Variants in AKAP9 observed in about 807,000 individuals in gnomAD.
AKAP9 encodes A-kinase anchor protein 9.
In AKAP9, 311 loss-of-function variants were observed where a neutral mutation model predicts 488.5. The observed-to-expected ratio is 0.64, with a 90% CI of 0.58 to 0.70. The LOEUF (loss-of-function observed/expected upper bound fraction) is 0.70, where lower values mean the gene tolerates loss of function less well. AKAP9 is among the 30% of genes least tolerant of loss of function. The pLI, the probability that AKAP9 is intolerant of heterozygous loss-of-function variation, is 0.00. For missense variants in AKAP9, 4,215 were observed against 4,374.5 expected (o/e 0.96, Z 1.03); for synonymous variants, 1,462 against 1,483.5 (o/e 0.99, Z 0.33).
rs1357631664 is a variant in AKAP9, at chr7:92,022,738, T to C, written c.3953-76T>C. On this transcript the variant is annotated intron_variant, in intron 13 of 49. Coordinates refer to ENST00000356239, the MANE Select transcript of AKAP9 (RefSeq NM_005751.5). ...TTTTCAAAAAAGAATTAATATTTTC[T>C]GTACACAGTGATTGTGCTATTTCAC... 7 of 953,864 alleles carry C rather than the reference T, an allele frequency of 7.3e-6. No individual in the cohort carries two copies. In the African/African-American group the frequency reaches 1.2e-4, roughly 16 times the overall value. 59.1% of individuals were successfully genotyped at this position (953,864 alleles called of 1,614,324 possible).
At chr7:91,976,168 C>G (rs1795662407) in intron 2 of AKAP9, among the ~76,000 whole-genome samples, 1 of 152,144 alleles carries the variant, frequency 6.6e-6, no homozygotes, top group Non-Finnish European at 1.5e-5. Flanking sequence ...AGTGATACGT[C>G]CACCTCAGCC....
intron 8 of AKAP9, among the ~76,000 whole-genome samples, chr7:92,004,163 A>T (rs1162417216): frequency 6.6e-6 from 1 of 152,104 alleles, no homozygotes; most frequent in Non-Finnish European, 1.5e-5. Context: ...ATTGGTCTAT[A>T]TCTCTGTTTT....
In AKAP9 at chr7:92,040,666, T is replaced by A; in HGVS notation, c.4693-8T>A. ...GAATTGTTTTTTTTTTTTTTTTTAC[T>A]ATTAAAGATTCATGATGAGATTTCA... On this transcript the variant is annotated splice_region_variant and splice_polypyrimidine_tract_variant and intron_variant, in intron 17 of 49. Coordinates refer to ENST00000356239, the MANE Select transcript of AKAP9 (RefSeq NM_005751.5). The A allele has an allele frequency of 8.1e-6, 11 of 1,351,532 alleles. No homozygotes were observed. Among genetic ancestry groups the A allele is most frequent in the Non-Finnish European group, 1.1e-5 (11 of 961,980 alleles). 83.7% of individuals were successfully genotyped at this position (1,351,532 alleles called of 1,614,324 possible). A position where few individuals can be genotyped will look rare whatever the true frequency, so the allele number is the denominator to read the frequency against.
intron 3 of AKAP9, among the ~76,000 whole-genome samples, chr7:91,985,832 A>G (rs777220348): frequency 2.0e-5 from 3 of 152,140 alleles, no homozygotes; most frequent in Non-Finnish European, 4.4e-5. Context: ...TATTTTTATT[A>G]GAGATGGGGT....
rs1413077434 is a variant in AKAP9 at position 92,017,057 on chromosome 7, A to G, written c.3792A>G (p.Thr1264=). 1.9e-6 allele frequency: 3 copies of G among 1,592,080 alleles called. No homozygotes were observed. Among genetic ancestry groups the G allele is most frequent in the African/African-American group, 2.7e-5 (2 of 74,518 alleles). Residue 1264 remains threonine (T), a synonymous_variant, in exon 12 of 50, where the codon ACA becomes ACG. Transcript: ENST00000356239. ...TGCACACTCTTCTCAACAAAGTAAC[A>G]GAAGAATACAACAAACTCTTGGTAC... The part of the protein sequence containing the change: ...ENMHTLLNKV[T]EEYNKLLVLQ...
Position 92,095,159 on chromosome 7 carries a change from AAAG to A in AKAP9, c.9721_9723del (p.Glu3241del). ...GTTGGGACGCAGTGAAGAACGGGAT[AAAG>A]AAGAACTTGAGGTACTGTTATCTTT... On this transcript the variant is annotated inframe_deletion, in exon 40 of 50. Coordinates refer to ENST00000356239, the MANE Select transcript of AKAP9 (RefSeq NM_005751.5). 2 of 1,614,218 alleles carry A rather than the reference AAAG, an allele frequency of 1.2e-6. No homozygotes were observed. The highest frequency in any genetic ancestry group is 1.7e-6 in the Non-Finnish European group (2 of 1,180,030).
intron 46 of AKAP9, 98 bp downstream of exon 46, chr7:92,102,924 T>TAA: frequency 9.2e-7 from 1 of 1,087,556 alleles, no homozygotes; most frequent in Non-Finnish European, 1.4e-6. Context: ...ATACTCTATA[T>TAA]TTATATAGTA....
chr7:92,040,651 T>TTG, intron 17 of AKAP9, 23 bp from the exon 18 acceptor site: 1 of 1,456,812 alleles, frequency 6.9e-7, no homozygotes, highest in Non-Finnish European at 9.3e-7. Context: ...GAATTGTTTT[T>TTG]TTTTTTTTTT....
chr7:92,061,132 T>C lies in AKAP9; in HGVS notation c.5602-128T>C. ...CTAATCTTAGCATACACTGGCAATATCTAAATGACTACAATTCAGTAGTAT... is the reference window on the plus strand; with the variant it reads ...CTAATCTTAGCATACACTGGCAATACCTAAATGACTACAATTCAGTAGTAT... On this transcript the variant is annotated intron_variant, in intron 22 of 49. Coordinates refer to ENST00000356239, the MANE Select transcript of AKAP9 (RefSeq NM_005751.5). 3.6e-6 allele frequency: 4 copies of C among 1,102,348 alleles called. No individual in the cohort carries two copies. In the South Asian group the frequency reaches 5.5e-5, roughly 15 times the overall value. 68.3% of individuals were successfully genotyped at this position (1,102,348 alleles called of 1,614,324 possible). A position where few individuals can be genotyped will look rare whatever the true frequency, so the allele number is the denominator to read the frequency against.
chr7:91,992,706 C>T (rs969048878), intron 4 of AKAP9, among the ~76,000 whole-genome samples, 179 bp from the exon 5 acceptor site: 3 of 149,298 alleles, frequency 2.0e-5, no homozygotes, highest in East Asian at 2.0e-4. Context: ...ACAGAATTTG[C>T]GGATAACCTG....
At position 92,086,314 on chromosome 7, in the gene AKAP9, G is replaced by T. The variant is rs763529726; in HGVS notation, c.9111G>T (p.Glu3037Asp). The T allele has an allele frequency of 6.2e-7, 1 of 1,614,156 alleles. No individual in the cohort carries two copies. The highest frequency in any genetic ancestry group is 8.5e-7 in the Non-Finnish European group (1 of 1,180,014). ...LLALQQVFLE[E>D]RSVLLAAFRT... ...CCCTTCAACAAGTTTTCTTAGAAGA[G>T]CGTAGTGTTTTACTAGCAGCATTTC... The change falls in exon 37 of 50, where the codon GAG (glutamate) becomes GAT (aspartate). Residue 3037 changes from glutamate (E) to aspartate (D), a missense_variant. Transcript: ENST00000356239.
At chr7:92,091,621 G>A (rs1162360914) in intron 38 of AKAP9, among the ~76,000 whole-genome samples, 2 of 141,650 alleles carry the variant, frequency 1.4e-5, no homozygotes, top group Non-Finnish European at 3.0e-5. Context: ...CAAAGCAGAA[G>A]CATTCTTACC....
At chr7:92,008,972 G>A (rs1268186882) in intron 8 of AKAP9, among the ~76,000 whole-genome samples, 4 of 141,572 alleles carry the variant, frequency 2.8e-5, no homozygotes, top group Admixed American at 7.2e-5. Flanking sequence ...GCAACAGAGC[G>A]AGACTCCATT....
At position 92,095,099 on chromosome 7, in the gene AKAP9, G is replaced by C. The variant is rs574454978; in HGVS notation, c.9655G>C (p.Glu3219Gln). Residue 3219 changes from glutamate (E) to glutamine (Q), a missense_variant, in exon 40 of 50, where the codon GAG becomes CAG. Around this residue, in one of 5 missense-constraint regions of AKAP9, gnomAD observed 1,476 missense variants for 1,477.4 expected, o/e 1.00. Coordinates refer to ENST00000356239, the MANE Select transcript of AKAP9 (RefSeq NM_005751.5). ...TLASEQKKSR[E>Q]LQWALEKEKA... ...AGCAAGTGAACAGAAAAAATCAAGA[G>C]AGCTCCAGTGGGCTTTGGAGAAAGA... 9.9e-6 allele frequency: 16 copies of C among 1,614,154 alleles called. No individual in the cohort carries two copies. The highest frequency in any genetic ancestry group is 1.3e-5 in the African/African-American group (1 of 75,054).
Position 92,061,327 on chromosome 7 carries a change from C to T in AKAP9, c.5669C>T (p.Thr1890Ile). The T allele has an allele frequency of 3.1e-6, 5 of 1,613,078 alleles. No individual in the cohort carries two copies. Among genetic ancestry groups the T allele is most frequent in the Non-Finnish European group, 4.2e-6 (5 of 1,179,488 alleles). The change falls in exon 23 of 50, where the codon ACA becomes ATA. Residue 1890 changes from threonine (T) to isoleucine (I), a missense_variant. By Grantham distance (89) the Thr-to-Ile change is moderately conservative. This residue lies in a region of AKAP9 where 2,361 missense variants were observed against 2,430.0 expected (regional missense o/e 0.97). Transcript: ENST00000356239. ...TCATTTAGACAGAAACAAGAAGCAA[C>T]AGAGTCCCTTAAGTGCCAAGAGGAA... ...RESFRQKQEA[T>I]ESLKCQEELR...
At chr7:91,986,788 G>C (rs1797145799) in intron 3 of AKAP9, among the ~76,000 whole-genome samples, 1 of 151,998 alleles carries the variant, frequency 6.6e-6, no homozygotes, top group Non-Finnish European at 1.5e-5. Flanking sequence ...TAGTATTTAA[G>C]TGTAAGTACT....
Position 92,097,728 on chromosome 7 carries a change from TG to T in AKAP9, c.10542del (p.Met3514IlefsTer9). 6.2e-7 allele frequency: 1 copy of T among 1,614,188 alleles called. No homozygotes were observed. The highest frequency in any genetic ancestry group is 8.5e-7 in the Non-Finnish European group (1 of 1,180,032). On this transcript the variant is annotated frameshift_variant, in exon 42 of 50. Coordinates refer to ENST00000356239, the MANE Select transcript of AKAP9 (RefSeq NM_005751.5). LOFTEE classifies it high-confidence loss of function. The stretch of plus-strand genomic sequence containing the variant: ...ACCGGCTGTAATCATGAATTAGAAA[TG>T]ATCAGACAAAAGCTTCAATGTGTAG... ...GGTGCNHELE[M>X]IRQKLQCVAS...
chr7:92,003,563 G>T (rs1227411180), intron 8 of AKAP9, among the ~76,000 whole-genome samples: 3 of 151,828 alleles, frequency 2.0e-5, no homozygotes, highest in East Asian at 3.9e-4. Context: ...ATTTCATTTT[G>T]TAATTTTTGT....
At chr7:91,999,607 G>A (rs1798878973) in intron 7 of AKAP9, among the ~76,000 whole-genome samples, 1 of 152,158 alleles carries the variant, frequency 6.6e-6, no homozygotes, top group South Asian at 2.1e-4. Context: ...GGTTTTAGAG[G>A]AATCAGATGT....
Sources: allele counts gnomAD v4.1 joint callset (sites outside exome capture counted in the v4.1 genomes callset), GRCh38; gene constraint gnomAD v4.1.1; regional missense constraint gnomAD v4.1.1; transcripts MANE v1.5; gene names NCBI Gene and HGNC (gene_info 2026-07-23, HGNC 2026-07-21).